Variants in MCM8 observed in about 807,000 individuals in gnomAD.
MCM8 encodes minichromosome maintenance 8 homologous recombination repair factor.
A neutral mutation model predicts 98.9 loss-of-function variants in MCM8; 85 were observed. That is an observed-to-expected ratio of 0.86 (90% CI 0.72 to 1.03). The LOEUF (loss-of-function observed/expected upper bound fraction) is 1.03. Ranked by LOEUF, MCM8 falls within the 50% of genes least tolerant of loss-of-function variation. The pLI, the probability that MCM8 is intolerant of heterozygous loss-of-function variation, is 0.00. For synonymous variants in MCM8, 352 were observed against 338.6 expected (o/e 1.04, Z -0.44); for missense variants, 951 against 997.8 (o/e 0.95, Z 0.63).
intron 10 of MCM8, among the ~76,000 whole-genome samples, chr20:5,968,563 G>A (rs914466437): frequency 1.3e-5 from 2 of 152,052 alleles, no homozygotes; most frequent in Non-Finnish European, 2.9e-5. Context: ...AAAAAATTCT[G>A]ATTTCAGTGT....
At chr20:5,952,976 T>G (rs754940017) in intron 3 of MCM8, among the ~76,000 whole-genome samples, 1 of 152,224 alleles carries the variant, frequency 6.6e-6, no homozygotes, top group Non-Finnish European at 1.5e-5. Context: ...CTTGGACTTC[T>G]GAAGGCTACC....
chr20:5,957,793 G>A (rs1390874631), intron 6 of MCM8, among the ~76,000 whole-genome samples: 3 of 152,192 alleles, frequency 2.0e-5, no homozygotes, highest in Admixed American at 6.5e-5. Context: ...TTAGATACAA[G>A]GGAATAATGA....
chr20:5,956,282 C>G (rs1256371563), intron 5 of MCM8, among the ~76,000 whole-genome samples: 1 of 152,196 alleles, frequency 6.6e-6, no homozygotes, highest in Non-Finnish European at 1.5e-5. Flanking sequence ...CTCATGACCA[C>G]TTTTCGAAAC....
chr20:5,994,140 C>G (rs1022932924), intron 18 of MCM8, among the ~76,000 whole-genome samples, 159 bp from the exon 19 acceptor site: 4 of 151,926 alleles, frequency 2.6e-5, no homozygotes, highest in Admixed American at 2.6e-4. Flanking sequence ...TTATAGAATC[C>G]AGAACTCAAA....
intron 7 of MCM8, 80 bp downstream of exon 7, chr20:5,958,806 T>C: frequency 7.9e-7 from 1 of 1,269,648 alleles, no homozygotes. Context: ...TCCCAGTGTT[T>C]CTGAACACAG....
chr20:5,958,847 C>T lies in MCM8; in HGVS notation c.789+121C>T, dbSNP rs16991598. ...ATTTTTATTTTTTATTTTCAATTTT[C>T]TGCTTTTATATTATGAAATACTTCA... On this transcript the variant is annotated intron_variant, in intron 7 of 18. Transcript: ENST00000610722. 4.6e-3 allele frequency: 4,263 copies of T among 918,632 alleles called. 126 individuals carry two copies. In the African/African-American group the frequency reaches 0.065, roughly 14 times the overall value. 56.9% of individuals were successfully genotyped at this position (918,632 alleles called of 1,614,324 possible).
chr20:5,987,158 T>C, intron 16 of MCM8, 124 bp from the exon 17 acceptor site: 1 of 852,056 alleles, frequency 1.2e-6, no homozygotes, highest in Non-Finnish European at 1.8e-6. Context: ...TGACTTTTGA[T>C]GTTATAACCT....
intron 12 of MCM8, among the ~76,000 whole-genome samples, chr20:5,974,032 G>A (rs961446406): frequency 2.6e-5 from 4 of 152,176 alleles, no homozygotes; most frequent in African/African-American, 9.7e-5. Context: ...GAGCCTAGTG[G>A]TTTTCCTTTC....
rs932240074 is a variant in MCM8, at chr20:5,998,398, C to G, written c.*4007C>G. 1 of 152,254 alleles carries G rather than the reference C, an allele frequency of 6.6e-6. No homozygotes were observed. The highest frequency in any genetic ancestry group is 2.4e-5 in the African/African-American group (1 of 41,468). The allele number at this position is 152,254 out of a possible 1,614,324, so 9.4% of individuals were successfully genotyped here. On this transcript the variant is annotated 3_prime_UTR_variant, in exon 19 of 19. Coordinates refer to ENST00000610722, the MANE Select transcript of MCM8 (RefSeq NM_032485.6). ...GAACTGAGGAGAGAGCCATCTTCCTCTTGCTTGTGTTCTGGTGGCATGTGT... is the reference window on the plus strand; with the variant it reads ...GAACTGAGGAGAGAGCCATCTTCCTGTTGCTTGTGTTCTGGTGGCATGTGT...
Position 5,958,549 on chromosome 20 carries a change from G to A in MCM8, c.612G>A (p.Leu204=), listed in dbSNP as rs780924837. 1.2e-6 allele frequency: 2 copies of A among 1,613,978 alleles called. No individual in the cohort carries two copies. Among genetic ancestry groups the A allele is most frequent in the East Asian group, 2.2e-5 (1 of 44,862 alleles). Residue 204 remains leucine (L), a synonymous_variant, in exon 7 of 19, where the codon TTG becomes TTA. Coordinates refer to ENST00000610722, the MANE Select transcript of MCM8 (RefSeq NM_032485.6). Reference sequence around the variant, plus strand: ...TTAGGGTGTACAACTATGAGCCTTTGACACAGCTCAAGAATGTCAGAGCAA... The same window carrying A: ...TTAGGGTGTACAACTATGAGCCTTTAACACAGCTCAAGAATGTCAGAGCAA... ...IHARVYNYEP[L]TQLKNVRANY... is the part of the protein sequence containing the mutation.
intron 7 of MCM8, 129 bp downstream of exon 7, chr20:5,958,855 A>G (rs2089059540): frequency 1.6e-5 from 13 of 801,188 alleles, no homozygotes; most frequent in South Asian, 1.4e-4. Flanking sequence ...TTCTGCTTTT[A>G]TATTATGAAA....
rs1370404501 is a variant in MCM8 at position 5,986,151 on chromosome 20, C to T, written c.2163+20C>T. ...ACAGAGGTTTGTTTCTTTTTATGGT[C>T]ATGCTTTTTTTGGCTTAAAGGGGAA... On this transcript the variant is annotated intron_variant, in intron 16 of 18. Transcript: ENST00000610722. The T allele has an allele frequency of 1.2e-6, 2 of 1,611,762 alleles. No individual in the cohort carries two copies. Among genetic ancestry groups the T allele is most frequent in the African/African-American group, 2.7e-5 (2 of 74,782 alleles).
chr20:5,979,960 A>C (rs1167984837), intron 13 of MCM8, among the ~76,000 whole-genome samples: 2 of 151,974 alleles, frequency 1.3e-5, no homozygotes, highest in Non-Finnish European at 2.9e-5. Flanking sequence ...CCTCTTCTCT[A>C]GCTCCATTGG....
chr20:5,977,688 G>C (rs1284003583), intron 12 of MCM8, among the ~76,000 whole-genome samples, 188 bp from the exon 13 acceptor site: 1 of 152,172 alleles, frequency 6.6e-6, no homozygotes, highest in African/African-American at 2.4e-5. Context: ...TTCACTCTTT[G>C]TTGGCCTTGG....
At chr20:5,964,928 A>G (rs1266718301) in intron 8 of MCM8, among the ~76,000 whole-genome samples, 2 of 152,220 alleles carry the variant, frequency 1.3e-5, no homozygotes, top group Non-Finnish European at 2.9e-5. Flanking sequence ...TTGCTGTTAC[A>G]TTATACATAA....
At chr20:5,961,447 G>A (rs1467493890) in intron 7 of MCM8, among the ~76,000 whole-genome samples, 8 of 152,090 alleles carry the variant, frequency 5.3e-5, no homozygotes, top group Admixed American at 5.2e-4. Flanking sequence ...GGAAACATAA[G>A]ATGTTTATGT....
intron 12 of MCM8, among the ~76,000 whole-genome samples, chr20:5,976,754 G>C (rs1372774624): frequency 1.3e-5 from 2 of 152,142 alleles, no homozygotes; most frequent in Non-Finnish European, 2.9e-5. Context: ...CCTGGAGGGA[G>C]GTGAAAGGGT....
intron 7 of MCM8, among the ~76,000 whole-genome samples, chr20:5,959,603 T>C (rs942751954): frequency 6.6e-6 from 1 of 152,146 alleles, no homozygotes; most frequent in Non-Finnish European, 1.5e-5. Context: ...TTGTGCTCTT[T>C]CCAGTTTTTT....
chr20:5,954,744 T>C, intron 4 of MCM8, 54 bp downstream of exon 4: 1 of 1,032,010 alleles, frequency 9.7e-7, no homozygotes, highest in Non-Finnish European at 1.5e-6. Flanking sequence ...ACCAATGTAT[T>C]CGAGGTACTT....
Sources: allele counts gnomAD v4.1 joint callset (sites outside exome capture counted in the v4.1 genomes callset), GRCh38; gene constraint gnomAD v4.1.1; transcripts MANE v1.5; gene names NCBI Gene and HGNC (gene_info 2026-07-23, HGNC 2026-07-21).